Variants in SLC2A2 observed in about 807,000 individuals in gnomAD.
The protein encoded by SLC2A2 is solute carrier family 2, facilitated glucose transporter member 2.
In SLC2A2, 36 loss-of-function variants were observed where a neutral mutation model predicts 54.5. The ratio of observed to expected loss-of-function variants is 0.66; its 90% CI spans 0.51 to 0.87. SLC2A2 has a LOEUF of 0.87. Among genes scored for constraint, SLC2A2 ranks in the 40% least tolerant of loss-of-function variants. SLC2A2 has a pLI of 0.00. For synonymous variants in SLC2A2, 223 were observed against 219.1 expected, an observed-to-expected ratio of 1.02 and a Z score of -0.16; for missense variants, 543 against 624.3, an observed-to-expected ratio of 0.87 and a Z score of 1.39.
intron 1 of SLC2A2, among the ~76,000 whole-genome samples, chr3:171,020,101 T>G (rs930591542): frequency 1.1e-4 from 16 of 152,168 alleles, no homozygotes; most frequent in African/African-American, 2.4e-4. Flanking sequence ...CCCAAGCCAC[T>G]TCCCTTATAG....
At chr3:171,007,604 A>G in intron 4 of SLC2A2, 1 of 326,778 alleles carries the variant, frequency 3.1e-6, no homozygotes, top group South Asian at 2.9e-5. Context: ...ATGTTTTAAT[A>G]ATATTCTTAA....
At chr3:171,002,049 A>G (rs1208536279) in intron 8 of SLC2A2, among the ~76,000 whole-genome samples, 2 of 151,970 alleles carry the variant, frequency 1.3e-5, no homozygotes, top group African/African-American at 2.4e-5. Context: ...GCTCTGCTCA[A>G]TGGCTTAATA....
At chr3:171,005,830 A>G in intron 6 of SLC2A2, 113 bp downstream of exon 6, 2 of 1,112,174 alleles carry the variant, frequency 1.8e-6, no homozygotes, top group Non-Finnish European at 1.4e-6. Flanking sequence ...TATAAAAGCG[A>G]TTTTGCACAT....
chr3:171,022,342 C>G (rs1383700088), intron 1 of SLC2A2, among the ~76,000 whole-genome samples: 1 of 152,194 alleles, frequency 6.6e-6, no homozygotes, highest in South Asian at 2.1e-4. Flanking sequence ...TAAGAGCATA[C>G]ATATCCACAG....
At chr3:171,011,416 A>C (rs983176362) in intron 3 of SLC2A2, among the ~76,000 whole-genome samples, 2 of 152,170 alleles carry the variant, frequency 1.3e-5, no homozygotes, top group African/African-American at 4.8e-5. Flanking sequence ...AGGGGCCACA[A>C]GCCAGAGAAC....
chr3:171,005,954 T>C lies in SLC2A2; in HGVS notation c.764A>G (p.Lys255Arg). Reference protein sequence around the residue: ...YLYIKLDEEVKAKQSLKRLRG... With the variant: ...YLYIKLDEEVRAKQSLKRLRG... ...ATCCACAGACTTACTTTGTTTTGCT[T>C]TGACTTCCTCATCTAACTTGATGTA... Residue 255 changes from lysine to arginine, a missense_variant, in exon 6 of 11, where the codon AAA (lysine) becomes AGA (arginine). By Grantham distance (26) the Lys-to-Arg change is conservative (BLOSUM62 2). Around this residue, in one of 3 missense-constraint regions of SLC2A2, gnomAD observed 318 missense variants for 343.8 expected, o/e 0.93. Coordinates refer to ENST00000314251, the MANE Select transcript of SLC2A2 (RefSeq NM_000340.2). The C allele has an allele frequency of 6.2e-7, 1 of 1,612,358 alleles. No homozygotes were observed. Among genetic ancestry groups the C allele is most frequent in the Non-Finnish European group, 8.5e-7 (1 of 1,178,808 alleles).
chr3:171,009,429 G>A (rs10513688), intron 4 of SLC2A2, among the ~76,000 whole-genome samples: 23,148 of 151,958 alleles, frequency 0.15, 2,404 homozygotes, highest in African/African-American at 0.29. Context: ...TCTAAGAGAT[G>A]GGTTCAGAGT....
rs55989805 is a variant in SLC2A2 at position 170,996,681 on chromosome 3, A to T, written c.*1222T>A. On this transcript the variant is annotated 3_prime_UTR_variant, in exon 11 of 11. Coordinates refer to ENST00000314251, the MANE Select transcript of SLC2A2 (RefSeq NM_000340.2). ...TTTGCCTATGTAGGTAAAGGCAGAT[A>T]GATAGTGTACAATGCGTGTTAGTAA... is the stretch of plus-strand genomic sequence containing the variant. 64,385 of 397,614 alleles carry T rather than the reference A, an allele frequency of 0.16. 7,193 individuals are homozygous for T. The highest frequency in any genetic ancestry group is 0.4 in the African/African-American group (19,652 of 48,602). The allele number at this position is 397,614 out of a possible 1,614,324, so 24.6% of individuals were successfully genotyped here.
intron 1 of SLC2A2, among the ~76,000 whole-genome samples, chr3:171,023,144 T>A (rs1279686283): frequency 2.0e-5 from 3 of 152,228 alleles, no homozygotes; most frequent in Non-Finnish European, 4.4e-5. Context: ...GGGTTGACTG[T>A]GGTCCTGCCA....
chr3:171,003,296 T>C (rs531405109), intron 7 of SLC2A2, among the ~76,000 whole-genome samples: 2 of 152,086 alleles, frequency 1.3e-5, no homozygotes, highest in South Asian at 4.2e-4. Flanking sequence ...TTTTATTATA[T>C]TAATATACCA....
At position 170,998,031 on chromosome 3, in the gene SLC2A2, T is replaced by C; in HGVS notation, c.1447A>G (p.Lys483Glu). The change falls in exon 11 of 11, where the codon AAA becomes GAA. Residue 483 changes from lysine to glutamate, a missense_variant. Lys to Glu is a moderately conservative substitution (Grantham distance 56, BLOSUM62 1). This residue lies in a region of SLC2A2 where 108 missense variants were observed against 101.3 expected (regional missense o/e 1.07). Coordinates refer to ENST00000314251, the MANE Select transcript of SLC2A2 (RefSeq NM_000340.2). Reference sequence around the variant, plus strand: ...GACTTTCCTTTGGTTTCTGGAACTTTAAAAAATGTGAACAGGGTAAAGGCC... The same window carrying C: ...GACTTTCCTTTGGTTTCTGGAACTTCAAAAAATGTGAACAGGGTAAAGGCC... ...LLAFTLFTFF[K>E]VPETKGKSFE... 1 of 1,613,660 alleles carries C rather than the reference T, an allele frequency of 6.2e-7. No homozygotes were observed. The highest frequency in any genetic ancestry group is 8.5e-7 in the Non-Finnish European group (1 of 1,179,782).
At position 171,005,946 on chromosome 3, in the gene SLC2A2, G is replaced by A; in HGVS notation, c.772C>T (p.Gln258Ter). The A allele has an allele frequency of 6.2e-7, 1 of 1,611,950 alleles. No homozygotes were observed. The highest frequency in any genetic ancestry group is 8.5e-7 in the Non-Finnish European group (1 of 1,178,508). The change falls in exon 6 of 11, where the codon CAA becomes TAA. Residue 258 changes from glutamine to a stop codon, truncating the protein, a stop_gained. Coordinates refer to ENST00000314251, the MANE Select transcript of SLC2A2 (RefSeq NM_000340.2). LOFTEE classifies it high-confidence loss of function. Reference protein sequence around the residue: ...IKLDEEVKAKQSLKRLRGYDD... With the variant: ...IKLDEEVKAK ...GAAAAACCATCCACAGACTTACTTTGTTTTGCTTTGACTTCCTCATCTAAC... is the reference window on the plus strand; with the variant it reads ...GAAAAACCATCCACAGACTTACTTTATTTTGCTTTGACTTCCTCATCTAAC...
intron 2 of SLC2A2, among the ~76,000 whole-genome samples, chr3:171,017,720 A>G (rs1358986753): frequency 6.6e-6 from 1 of 152,178 alleles, no homozygotes; most frequent in African/African-American, 2.4e-5. Context: ...ATGACCTCAC[A>G]GTCTGAGTTA....
intron 1 of SLC2A2, among the ~76,000 whole-genome samples, chr3:171,024,296 A>G (rs1035689218): frequency 2.6e-5 from 4 of 152,176 alleles, no homozygotes; most frequent in Non-Finnish European, 5.9e-5. Flanking sequence ...TCAACTTTTC[A>G]TACTTTACCG....
chr3:171,000,852 G>A (rs1053215662), intron 8 of SLC2A2, among the ~76,000 whole-genome samples: 8 of 152,138 alleles, frequency 5.3e-5, no homozygotes, highest in East Asian at 1.9e-4. Context: ...TGGTAACATT[G>A]GTTAATTTTG....
intron 9 of SLC2A2, 66 bp downstream of exon 9, chr3:170,998,999 G>T: frequency 1.0e-6 from 1 of 1,003,428 alleles, no homozygotes; most frequent in Non-Finnish European, 1.6e-6. Context: ...ACTTTAACCT[G>T]GACCACAGAG....
At chr3:171,021,156 T>C (rs938024293) in intron 1 of SLC2A2, among the ~76,000 whole-genome samples, 3 of 152,164 alleles carry the variant, frequency 2.0e-5, no homozygotes, top group Non-Finnish European at 2.9e-5. Flanking sequence ...TTTTATTTAC[T>C]TAGTTGGTGG....
At chr3:171,016,535 AT>A (rs1431957701) in intron 2 of SLC2A2, among the ~76,000 whole-genome samples, 3 of 151,760 alleles carry the variant, frequency 2.0e-5, no homozygotes, top group Admixed American at 6.6e-5. Flanking sequence ...AATTATGGGT[AT>A]TTTTTTTTCT....
At chr3:171,016,388 C>T (rs1716149885) in intron 2 of SLC2A2, among the ~76,000 whole-genome samples, 1 of 152,000 alleles carries the variant, frequency 6.6e-6, no homozygotes, top group African/African-American at 2.4e-5. Context: ...GTGAAAATCT[C>T]CAGCCTGGAT....
Sources: allele counts gnomAD v4.1 joint callset (sites outside exome capture counted in the v4.1 genomes callset), GRCh38; gene constraint gnomAD v4.1.1; regional missense constraint gnomAD v4.1.1; transcripts MANE v1.5; gene names NCBI Gene and HGNC (gene_info 2026-07-23, HGNC 2026-07-21).